CTNNA2: variants seen among roughly 807,000 people sequenced by gnomAD.
The protein encoded by CTNNA2 is catenin alpha 2, also known as catenin alpha-2.
Under a neutral mutation model 101.0 loss-of-function variants are expected in CTNNA2, and 42 were observed. That is an observed-to-expected ratio of 0.42 (90% CI 0.32 to 0.54). The LOEUF (loss-of-function observed/expected upper bound fraction) is 0.54, where lower values mean the gene tolerates loss of function less well. Ranked by LOEUF, CTNNA2 falls within the 20% of genes least tolerant of loss-of-function variation. The pLI is 0.14. For missense variants in CTNNA2, 871 were observed against 1,223.1 expected (o/e 0.71, Z 4.29); for synonymous variants, 450 against 456.4 (o/e 0.99, Z 0.18).
intron 18 of CTNNA2, among the ~76,000 whole-genome samples, chr2:80,642,536 G>A (rs946643489): frequency 2.0e-5 from 3 of 152,036 alleles, no homozygotes; most frequent in Admixed American, 6.6e-5. Flanking sequence ...AAAATGTAGG[G>A]ATAGACTGGA....
chr2:80,250,794 A>G (rs1237177531), intron 7 of CTNNA2, among the ~76,000 whole-genome samples: 1 of 152,186 alleles, frequency 6.6e-6, no homozygotes, highest in East Asian at 1.9e-4. Flanking sequence ...GACTTTGGGC[A>G]ATACTTTATC....
chr2:80,490,248 C>G (rs1304516566), intron 9 of CTNNA2, among the ~76,000 whole-genome samples: 4 of 148,876 alleles, frequency 2.7e-5, no homozygotes, highest in African/African-American at 1.0e-4. Flanking sequence ...AATTTAGATT[C>G]AGAGTTGGCA....
At position 80,174,125 on chromosome 2, in the gene CTNNA2, G is replaced by A. The variant is rs576555844; in HGVS notation, c.1057-219086G>A. ...TTTCTCAATGCTAATATCAAATATG[G>A]CCTCAGAGAATAAGAGAAATAAAAA... On this transcript the variant is annotated intron_variant, in intron 7 of 18. Transcript: ENST00000402739. Among the ~76,000 whole-genome samples, 34 of 152,202 alleles carry A rather than the reference G, an allele frequency of 2.2e-4. No individual in the cohort carries two copies. In the South Asian group the frequency reaches 6.6e-3, roughly 30 times the overall value.
At chr2:80,196,251 A>G (rs1706825817) in intron 7 of CTNNA2, among the ~76,000 whole-genome samples, 1 of 152,150 alleles carries the variant, frequency 6.6e-6, no homozygotes, top group Admixed American at 6.5e-5. Flanking sequence ...GTTGGGTCTC[A>G]TAGCTTTCAT....
intron 4 of CTNNA2, chr2:79,499,306 A>G (rs567302462): frequency 6.6e-6 from 1 of 152,288 alleles, no homozygotes; most frequent in Admixed American, 6.5e-5. Context: ...TGAATCTCAT[A>G]AACTGAAGTC....
chr2:79,824,803 C>T (rs1452466668), intron 3 of CTNNA2, among the ~76,000 whole-genome samples: 1 of 152,086 alleles, frequency 6.6e-6, no homozygotes, highest in Non-Finnish European at 1.5e-5. Context: ...AAAAGTTCCC[C>T]TTTTTTTGGT....
chr2:79,368,286 G>T (rs576070055), intron 3 of CTNNA2, among the ~76,000 whole-genome samples: 4 of 152,262 alleles, frequency 2.6e-5, no homozygotes, highest in South Asian at 4.1e-4. Context: ...ATCTGCACTG[G>T]CATTTTTCTC....
intron 2 of CTNNA2, among the ~76,000 whole-genome samples, chr2:79,221,196 T>C (rs576726295): frequency 6.6e-6 from 1 of 152,220 alleles, no homozygotes; most frequent in Non-Finnish European, 1.5e-5. Context: ...TTGCCCAGGC[T>C]GGAATGCAGT....
Position 80,601,417 on chromosome 2 carries a change from C to CTTTT in CTNNA2, c.2190-2654_2190-2653insTTTT, listed in dbSNP as rs375645223. ...GATTTAATGACTTTTTTCTTTCTTT[C>CTTTT]TTTCTTTTTTTTTTTTTTTGATGAG... On this transcript the variant is annotated intron_variant, in intron 15 of 18. Coordinates refer to ENST00000402739, the MANE Select transcript of CTNNA2 (RefSeq NM_001282597.3). Among the ~76,000 whole-genome samples the CTTTT allele has an allele frequency of 5.7e-4, 54 of 94,194 alleles. 3 individuals carry two copies. The highest frequency in any genetic ancestry group is 1.9e-3 in the African/African-American group (49 of 25,746). The allele number at this position is 94,194 out of a possible 152,430, so 61.8% of individuals were successfully genotyped here.
rs1511197 is a variant in CTNNA2 at position 79,661,861 on chromosome 2, A to G, written c.102+10203A>G. On this transcript the variant is annotated intron_variant, in intron 2 of 18. Coordinates refer to ENST00000402739, the MANE Select transcript of CTNNA2 (RefSeq NM_001282597.3). ...TAGTTTTATTTTCTTACAGATTAAA[A>G]AAAAGATAGATCACATAATTAAAGG... Among the ~76,000 whole-genome samples the G allele has an allele frequency of 3.5e-3, 531 of 152,186 alleles. 12 individuals carry two copies. In the East Asian group the frequency reaches 0.047, roughly 14 times the overall value.
intron 9 of CTNNA2, among the ~76,000 whole-genome samples, chr2:80,464,870 C>T (rs111470122): frequency 0.017 from 2,629 of 152,196 alleles, 68 homozygotes; most frequent in African/African-American, 0.059. Flanking sequence ...CATTGTTCAG[C>T]GGGCTAGTAA....
chr2:79,579,102 ATTCCTTTT>A (rs1242182946), intron 1 of CTNNA2, among the ~76,000 whole-genome samples: 3 of 105,478 alleles, frequency 2.8e-5, no homozygotes, highest in African/African-American at 1.1e-4. Context: ...TCCTCCCTTT[ATTCCTTTT>A]TTCCTTTTTT....
chr2:79,382,645 G>C (rs545335836), intron 4 of CTNNA2, among the ~76,000 whole-genome samples: 2 of 151,852 alleles, frequency 1.3e-5, no homozygotes, highest in African/African-American at 4.8e-5. Context: ...GACACTCTTC[G>C]CTCTGTCGCC....
intron 2 of CTNNA2, among the ~76,000 whole-genome samples, chr2:79,736,806 A>C (rs1167216309): frequency 6.6e-6 from 1 of 152,216 alleles, no homozygotes; most frequent in African/African-American, 2.4e-5. Context: ...TGCAAAGTGC[A>C]CAAGTCTTTA....
intron 7 of CTNNA2, among the ~76,000 whole-genome samples, chr2:80,295,716 G>A (rs979878251): frequency 4.6e-5 from 7 of 152,124 alleles, no homozygotes; most frequent in Non-Finnish European, 8.8e-5. Flanking sequence ...ATGATCCCAG[G>A]CATGTAAATG....
At chr2:79,529,340 C>T (rs561194452) in intron 1 of CTNNA2, among the ~76,000 whole-genome samples, 24 of 152,190 alleles carry the variant, frequency 1.6e-4, no homozygotes, top group African/African-American at 4.8e-4. Flanking sequence ...TCTTCTTGTG[C>T]GAAACATAAT....
At chr2:79,208,624 G>T (rs1026229013) in intron 2 of CTNNA2, among the ~76,000 whole-genome samples, 14 of 152,104 alleles carry the variant, frequency 9.2e-5, no homozygotes, top group African/African-American at 1.4e-4. Flanking sequence ...TAGTTCTTTT[G>T]TTCTTCAAGC....
intron 9 of CTNNA2, among the ~76,000 whole-genome samples, chr2:80,472,541 C>T (rs1572975051): frequency 6.6e-6 from 1 of 152,146 alleles, no homozygotes; most frequent in Non-Finnish European, 1.5e-5. Context: ...GATGCTTTCC[C>T]AATTTAGTTT....
At chr2:79,467,562 A>G (rs1670952836) in intron 4 of CTNNA2, among the ~76,000 whole-genome samples, 1 of 152,228 alleles carries the variant, frequency 6.6e-6, no homozygotes, top group East Asian at 1.9e-4. Context: ...AGCAACTCCA[A>G]GACACATAAT....
Sources: allele counts gnomAD v4.1 joint callset (sites outside exome capture counted in the v4.1 genomes callset), GRCh38; gene constraint gnomAD v4.1.1; transcripts MANE v1.5; gene names NCBI Gene and HGNC (gene_info 2026-07-23, HGNC 2026-07-21).